Variants in CAST observed in about 807,000 individuals in gnomAD.
CAST encodes MIR583 host.
A neutral mutation model predicts 119.6 loss-of-function variants in CAST; 76 were observed. The ratio of observed to expected loss-of-function variants is 0.64; its 90% confidence interval spans 0.53 to 0.77. The LOEUF is 0.77. CAST is among the 30% of genes least tolerant of loss of function. The pLI, the probability that CAST is intolerant of heterozygous loss-of-function variation, is 0.00. For missense variants in CAST, 953 were observed against 946.5 expected (o/e 1.01, Z -0.09); for synonymous variants, 319 against 331.6 (o/e 0.96, Z 0.41).
chr5:96,374,282 A>G, the CAST span, among the ~76,000 whole-genome samples: 49 of 152,328 alleles, frequency 3.2e-4, 1 homozygote, highest in African/African-American at 1.1e-3. Context: ...TGACAAGTAG[A>G]AAAACAGCAG....
intron 1 of CAST, among the ~76,000 whole-genome samples, chr5:96,581,760 G>A (rs1401055031): frequency 6.6e-5 from 10 of 152,098 alleles, no homozygotes; most frequent in African/African-American, 2.4e-4. Flanking sequence ...ACGTGGTGGC[G>A]GGTGCCTGTA....
chr5:96,709,059 A>G (rs909110019), intron 3 of CAST, among the ~76,000 whole-genome samples: 8 of 152,254 alleles, frequency 5.3e-5, no homozygotes, highest in African/African-American at 1.4e-4. Context: ...TCAGATTTCA[A>G]CAGCGTTAAT....
chr5:96,301,796 G>A, the CAST span, among the ~76,000 whole-genome samples: 1 of 152,206 alleles, frequency 6.6e-6, no homozygotes, highest in African/African-American at 2.4e-5. Context: ...GCAGTGTACA[G>A]CCCCTGTAGC....
chr5:95,968,269 C>A, the CAST span, among the ~76,000 whole-genome samples: 1 of 152,112 alleles, frequency 6.6e-6, no homozygotes, highest in Non-Finnish European at 1.5e-5. Context: ...ATAAAATGAT[C>A]CATTCAGCTT....
At chr5:96,467,737 G>A in the CAST span, among the ~76,000 whole-genome samples, 1 of 151,872 alleles carries the variant, frequency 6.6e-6, no homozygotes, top group African/African-American at 2.4e-5. Context: ...AACAATAGCT[G>A]TTGGCGTGGA....
intron 19 of CAST, among the ~76,000 whole-genome samples, chr5:96,749,557 T>G (rs1764522998): frequency 6.6e-6 from 1 of 152,186 alleles, no homozygotes; most frequent in Non-Finnish European, 1.5e-5. Flanking sequence ...TTTGTTTTGT[T>G]TTTTCTTGAG....
chr5:96,142,010 T>A, the CAST span, among the ~76,000 whole-genome samples: 2 of 152,232 alleles, frequency 1.3e-5, no homozygotes, highest in African/African-American at 2.4e-5. Flanking sequence ...ATTCCATAAA[T>A]GCCCATGCTT....
intron 25 of CAST, among the ~76,000 whole-genome samples, chr5:96,764,667 C>T (rs567423834): frequency 1.3e-5 from 2 of 152,170 alleles, no homozygotes; most frequent in South Asian, 2.1e-4. Context: ...CCACAAACTG[C>T]GGGTCACGCT....
the CAST span, among the ~76,000 whole-genome samples, chr5:96,189,311 G>A: frequency 6.6e-6 from 1 of 152,182 alleles, no homozygotes; most frequent in South Asian, 2.1e-4. Context: ...CTTTTTCTTT[G>A]TTCCTGAAAA....
intron 2 of CAST, among the ~76,000 whole-genome samples, chr5:96,680,884 T>G (rs2150262818): frequency 6.6e-6 from 1 of 152,344 alleles, no homozygotes; most frequent in South Asian, 2.1e-4. Context: ...ATACTAGTTG[T>G]GGGGAGTCGA....
intron 1 of CAST, among the ~76,000 whole-genome samples, chr5:96,535,172 G>A (rs114226267): frequency 0.014 from 2,169 of 152,250 alleles, 28 homozygotes; most frequent in Non-Finnish European, 0.021. Flanking sequence ...AAAAGAAAAC[G>A]TGGGCAGAAG....
At chr5:96,231,580 T>C in the CAST span, among the ~76,000 whole-genome samples, 1 of 152,136 alleles carries the variant, frequency 6.6e-6, no homozygotes, top group Non-Finnish European at 1.5e-5. Context: ...GTTGCACAAC[T>C]CTGTAAATAT....
the CAST span, among the ~76,000 whole-genome samples, chr5:96,160,075 G>A: frequency 6.6e-6 from 1 of 151,966 alleles, no homozygotes; most frequent in Non-Finnish European, 1.5e-5. Context: ...GGGAGGCAGA[G>A]GTTGCAGTGA....
intron 1 of CAST, among the ~76,000 whole-genome samples, chr5:96,558,154 C>T (rs1354030665): frequency 5.3e-5 from 8 of 152,044 alleles, no homozygotes; most frequent in Non-Finnish European, 8.8e-5. Context: ...TCTTTGAAAC[C>T]AACGAGAATA....
At chr5:96,171,939 A>T in the CAST span, among the ~76,000 whole-genome samples, 1 of 148,590 alleles carries the variant, frequency 6.7e-6, no homozygotes, top group South Asian at 2.2e-4. Flanking sequence ...CACGCCCCTG[A>T]TCCGAGTCAC....
At chr5:96,044,758 C>G in the CAST span, among the ~76,000 whole-genome samples, 1 of 152,226 alleles carries the variant, frequency 6.6e-6, no homozygotes, top group East Asian at 1.9e-4. Flanking sequence ...GACATAGTCA[C>G]ACACTGGAAT....
At chr5:96,740,886 A>G (rs1762525020) in intron 13 of CAST, 103 bp downstream of exon 13, 2 of 773,586 alleles carry the variant, frequency 2.6e-6, no homozygotes, top group Non-Finnish European at 4.5e-6. Context: ...GACTTAACTC[A>G]TCTCCAAATC....
chr5:96,036,104 C>T, the CAST span, among the ~76,000 whole-genome samples: 2 of 149,834 alleles, frequency 1.3e-5, no homozygotes, highest in African/African-American at 4.9e-5. Flanking sequence ...AGAGAAAAAG[C>T]AGGATGTATA....
chr5:96,704,315 G>C (rs988833301), intron 3 of CAST, among the ~76,000 whole-genome samples: 2 of 152,164 alleles, frequency 1.3e-5, no homozygotes, highest in Admixed American at 6.5e-5. Flanking sequence ...GGGGAGTTTT[G>C]GTTCCTTGAT....
Sources: gnomAD v4.1 joint callset for allele counts (sites outside exome capture counted in the v4.1 genomes callset) on GRCh38, gnomAD v4.1.1 for gene constraint, MANE v1.5 for transcripts, NCBI Gene and HGNC (gene_info 2026-07-23, HGNC 2026-07-21) for gene names.